OR2G6: variants seen among roughly 807,000 people sequenced by gnomAD.
OR2G6 encodes olfactory receptor family 2 subfamily G member 6.
For synonymous variants in OR2G6, 183 were observed against 155.2 expected (o/e 1.18, Z -1.33); for missense variants, 457 against 391.3 (o/e 1.17, Z -1.42).
At chr1:248,521,084 G>A (rs1664275406) in intron 1 of OR2G6, among the ~76,000 whole-genome samples, 1 of 148,614 alleles carries the variant, frequency 6.7e-6, no homozygotes, top group Non-Finnish European at 1.5e-5. Context: ...TTAGCTGGGA[G>A]TGGTGGCACA....
At position 248,522,409 on chromosome 1, in the gene OR2G6, A is replaced by T. The variant is rs964299406; in HGVS notation, c.763A>T (p.Ile255Phe). 11 of 1,614,068 alleles carry T rather than the reference A, an allele frequency of 6.8e-6. No individual in the cohort carries two copies. Among genetic ancestry groups the T allele is most frequent in the Non-Finnish European group, 9.3e-6 (11 of 1,180,028 alleles). ...LVVVIIFYGT[I>F]IFMYLQPANR... ...TGTGGTCATCATTTTCTATGGGACC[A>T]TCATATTCATGTACCTTCAACCGGC... is the stretch of plus-strand genomic sequence containing the variant. The change falls in exon 2 of 2, where the codon ATC becomes TTC. Residue 255 changes from isoleucine (I) to phenylalanine (F), a missense_variant. By Grantham distance (21) the Ile-to-Phe change is conservative. Transcript: ENST00000641804.
chr1:248,522,218 A>C lies in OR2G6; in HGVS notation c.572A>C (p.Asp191Ala). The C allele has an allele frequency of 6.2e-7, 1 of 1,614,132 alleles. No homozygotes were observed. The highest frequency in any genetic ancestry group is 8.5e-7 in the Non-Finnish European group (1 of 1,180,014). Reference sequence around the variant, plus strand: ...GTGCTCATCAAACTGGCCTGTGTGGATACGACTTTCAACGAGGCAGAACTC... The same window carrying C: ...GTGCTCATCAAACTGGCCTGTGTGGCTACGACTTTCAACGAGGCAGAACTC... ...VPVLIKLACV[D>A]TTFNEAELFV... Residue 191 changes from aspartate to alanine, a missense_variant, in exon 2 of 2, where the codon GAT (aspartate) becomes GCT (alanine). Coordinates refer to ENST00000641804, the MANE Select transcript of OR2G6 (RefSeq NM_001013355.2).
At chr1:248,521,140 T>C (rs1242043080) in intron 1 of OR2G6, among the ~76,000 whole-genome samples, 5 of 151,390 alleles carry the variant, frequency 3.3e-5, no homozygotes, top group Admixed American at 1.3e-4. Flanking sequence ...AGAGAATTAC[T>C]TGAACCCAGG....
At chr1:248,521,186 G>A (rs1664278893) in intron 1 of OR2G6, among the ~76,000 whole-genome samples, 1 of 151,832 alleles carries the variant, frequency 6.6e-6, no homozygotes, top group Non-Finnish European at 1.5e-5. Flanking sequence ...TCACGGCACT[G>A]TACTCTAGTC....
chr1:248,522,558 G>T lies in OR2G6; in HGVS notation c.912G>T (p.Leu304=). 1 of 1,613,428 alleles carries T rather than the reference G, an allele frequency of 6.2e-7. No individual in the cohort carries two copies. The highest frequency in any genetic ancestry group is 8.5e-7 in the Non-Finnish European group (1 of 1,179,778). Residue 304 remains leucine, a synonymous_variant, in exon 2 of 2, where the codon CTG becomes CTT. Transcript: ENST00000641804. ...NKDVKGALRT[L]ILGSAAGQSH... Reference sequence around the variant, plus strand: ...ATGTGAAAGGGGCCTTGAGGACCCTGATACTGGGTAGTGCTGCTGGACAAA... The same window carrying T: ...ATGTGAAAGGGGCCTTGAGGACCCTTATACTGGGTAGTGCTGCTGGACAAA...
Position 248,521,716 on chromosome 1 carries a change from G to C in OR2G6, c.70G>C (p.Glu24Gln). 1 of 1,614,188 alleles carries C rather than the reference G, an allele frequency of 6.2e-7. No homozygotes were observed. Among genetic ancestry groups the C allele is most frequent in the Non-Finnish European group, 8.5e-7 (1 of 1,180,030 alleles). The change falls in exon 2 of 2, where the codon GAG becomes CAG. Residue 24 changes from glutamate (E) to glutamine (Q), a missense_variant. Coordinates refer to ENST00000641804, the MANE Select transcript of OR2G6 (RefSeq NM_001013355.2). ...GGGATTTTCAGATCAGCCTCAGCTA[G>C]AGAGGTTTCTTTTTGCCATCATTTT... is the stretch of plus-strand genomic sequence containing the variant. Reference protein sequence around the residue: ...LLGFSDQPQLERFLFAIILYF... With the variant: ...LLGFSDQPQLQRFLFAIILYF...
rs1437487878 is a variant in OR2G6 at position 248,521,780 on chromosome 1, T to A, written c.134T>A (p.Leu45His). Residue 45 changes from leucine (L) to histidine (H), a missense_variant, in exon 2 of 2, where the codon CTC becomes CAC. Transcript: ENST00000641804. ...TTGAGCCTTCTGGGGAACACTGCCC[T>A]CATACTAGTATGTTGTCTGGACTCC... ...YVLSLLGNTA[L>H]ILVCCLDSRL... is the part of the protein sequence containing the mutation. The A allele has an allele frequency of 2.5e-6, 4 of 1,614,062 alleles. No individual in the cohort carries two copies. The highest frequency in any genetic ancestry group is 2.5e-6 in the Non-Finnish European group (3 of 1,179,930).
Position 248,525,515 on chromosome 1 carries a change from C to T in OR2G6, c.*2918C>T, listed in dbSNP as rs1051164850. ...TTAATGAATTCATGAAAAACAAAAA[C>T]CATATAGGACCACAGCTCAGAGAAG... On this transcript the variant is annotated 3_prime_UTR_variant, in exon 2 of 2. Coordinates refer to ENST00000641804, the MANE Select transcript of OR2G6 (RefSeq NM_001013355.2). 1.3e-5 allele frequency: 2 copies of T among 151,704 alleles called. No homozygotes were observed. The highest frequency in any genetic ancestry group is 2.4e-5 in the African/African-American group (1 of 41,276). The allele number at this position is 151,704 out of a possible 1,614,324, so 9.4% of individuals were successfully genotyped here.
Position 248,524,766 on chromosome 1 carries a change from A to T in OR2G6, c.*2169A>T, listed in dbSNP as rs1464161848. ...TACAAATCCCACTGAAAATAAAATCAAATTATTACTGTATACAATAAATTC... is the reference window on the plus strand; with the variant it reads ...TACAAATCCCACTGAAAATAAAATCTAATTATTACTGTATACAATAAATTC... On this transcript the variant is annotated 3_prime_UTR_variant, in exon 2 of 2. Coordinates refer to ENST00000641804, the MANE Select transcript of OR2G6 (RefSeq NM_001013355.2). 1 of 152,224 alleles carries T rather than the reference A, an allele frequency of 6.6e-6. No homozygotes were observed. The highest frequency in any genetic ancestry group is 1.5e-5 in the Non-Finnish European group (1 of 68,028). 9.4% of individuals were successfully genotyped at this position (152,224 alleles called of 1,614,324 possible).
rs59325988 is a variant in OR2G6 at position 248,526,017 on chromosome 1, CAAAA to C, written c.*3427_*3430del. ...TGGGCAACAGAGCAAGACTCCATCT[CAAAA>C]AAAAAAGAAAAAAATGTATATGTTA... On this transcript the variant is annotated 3_prime_UTR_variant, in exon 2 of 2. Coordinates refer to ENST00000641804, the MANE Select transcript of OR2G6 (RefSeq NM_001013355.2). The C allele has an allele frequency of 6.8e-6, 1 of 147,370 alleles. No individual in the cohort carries two copies. Among genetic ancestry groups the C allele is most frequent in the African/African-American group, 2.5e-5 (1 of 39,886 alleles). 9.1% of individuals were successfully genotyped at this position (147,370 alleles called of 1,614,324 possible).
At position 248,522,848 on chromosome 1, in the gene OR2G6, T is replaced by C; in HGVS notation, c.*251T>C. Reference sequence around the variant, plus strand: ...GAAACACACCAAAGCAGCATGAGGGTTCATCCTCCCAGACATTCCTCTTGT... The same window carrying C: ...GAAACACACCAAAGCAGCATGAGGGCTCATCCTCCCAGACATTCCTCTTGT... On this transcript the variant is annotated 3_prime_UTR_variant, in exon 2 of 2. Coordinates refer to ENST00000641804, the MANE Select transcript of OR2G6 (RefSeq NM_001013355.2). 2 of 453,386 alleles carry C rather than the reference T, an allele frequency of 4.4e-6. No individual in the cohort carries two copies. Among genetic ancestry groups the C allele is most frequent in the Non-Finnish European group, 7.8e-6 (2 of 257,184 alleles). 28.1% of individuals were successfully genotyped at this position (453,386 alleles called of 1,614,324 possible).
chr1:248,521,984 T>C lies in OR2G6; in HGVS notation c.338T>C (p.Ile113Thr), dbSNP rs770105604. 8.7e-6 allele frequency: 14 copies of C among 1,614,052 alleles called. No homozygotes were observed. Among genetic ancestry groups the C allele is most frequent in the Non-Finnish European group, 1.2e-5 (14 of 1,180,032 alleles). Reference protein sequence around the residue: ...VAMGLGSSECILLAVMAYDRY... With the variant: ...VAMGLGSSECTLLAVMAYDRY... The stretch of plus-strand genomic sequence containing the variant: ...ATGGGGTTGGGCTCGTCTGAGTGTA[T>C]TCTCTTGGCCGTCATGGCTTATGAC... Residue 113 changes from isoleucine (I) to threonine (T), a missense_variant, in exon 2 of 2, where the codon ATT becomes ACT. Coordinates refer to ENST00000641804, the MANE Select transcript of OR2G6 (RefSeq NM_001013355.2).
chr1:248,525,294 C>A lies in OR2G6; in HGVS notation c.*2697C>A, dbSNP rs141670383. On this transcript the variant is annotated 3_prime_UTR_variant, in exon 2 of 2. Transcript: ENST00000641804. The stretch of plus-strand genomic sequence containing the variant: ...AATTTGCACACATTACTAGCTTGAT[C>A]TGCAGAACACGTTTTCAAAGGATGC... The A allele has an allele frequency of 2.3e-3, 356 of 152,240 alleles. 1 individual carries two copies. The highest frequency in any genetic ancestry group is 8.2e-3 in the African/African-American group (341 of 41,562). The allele number at this position is 152,240 out of a possible 1,614,324, so 9.4% of individuals were successfully genotyped here. A position where few individuals can be genotyped will look rare whatever the true frequency, so the allele number is the denominator to read the frequency against.
At position 248,526,943 on chromosome 1, in the gene OR2G6, C is replaced by T. The variant is rs548846389; in HGVS notation, c.*4346C>T. The T allele has an allele frequency of 6.6e-6, 1 of 152,138 alleles. No homozygotes were observed. The highest frequency in any genetic ancestry group is 2.1e-4 in the South Asian group (1 of 4,822). The allele number at this position is 152,138 out of a possible 1,614,324, so 9.4% of individuals were successfully genotyped here. On this transcript the variant is annotated 3_prime_UTR_variant, in exon 2 of 2. Coordinates refer to ENST00000641804, the MANE Select transcript of OR2G6 (RefSeq NM_001013355.2). ...AAATTTTCTCCCATTCTCTAGGTTG[C>T]CTGTACACTCTGATGGTAGTTTCTT...
Position 248,522,032 on chromosome 1 carries a change from C to T in OR2G6, c.386C>T (p.Pro129Leu), listed in dbSNP as rs144648498. 176 of 1,614,044 alleles carry T rather than the reference C, an allele frequency of 1.1e-4. No homozygotes were observed. Among genetic ancestry groups the T allele is most frequent in the Non-Finnish European group, 1.3e-4 (159 of 1,180,028 alleles). The change falls in exon 2 of 2, where the codon CCA becomes CTA. Residue 129 changes from proline to leucine, a missense_variant. Physicochemically the swap from Pro to Leu is moderately conservative, Grantham distance 98 (BLOSUM62 -3). Transcript: ENST00000641804. ...AYDRYAAVCR[P>L]LRYIAIMHPR... ...GACCGCTATGCTGCTGTCTGCCGGC[C>T]ACTGCGCTACATAGCCATTATGCAC...
rs2103061689 is a variant in OR2G6, at chr1:248,522,171, T to G, written c.525T>G (p.Asp175Glu). 1 of 1,613,960 alleles carries G rather than the reference T, an allele frequency of 6.2e-7. No individual in the cohort carries two copies. The highest frequency in any genetic ancestry group is 2.2e-5 in the East Asian group (1 of 44,870). Residue 175 changes from aspartate to glutamate, a missense_variant, in exon 2 of 2, where the codon GAT (aspartate) becomes GAG (glutamate). Asp to Glu is a conservative substitution (Grantham distance 45). Transcript: ENST00000641804. ...CCCTCTGTGGTCATCGCACACTGGATCATATTTTCTGTGAGGTGCCAGTGC... is the reference window on the plus strand; with the variant it reads ...CCCTCTGTGGTCATCGCACACTGGAGCATATTTTCTGTGAGGTGCCAGTGC... ...QLPLCGHRTL[D>E]HIFCEVPVLI...
chr1:248,521,879 C>T lies in OR2G6; in HGVS notation c.233C>T (p.Ala78Val), dbSNP rs543337975. Residue 78 changes from alanine to valine, a missense_variant, in exon 2 of 2, where the codon GCC becomes GTC. Transcript: ENST00000641804. ...CVDICFTTSV[A>V]PQLLVTMNKK... Reference sequence around the variant, plus strand: ...GACATCTGCTTTACCACCAGTGTTGCCCCACAGTTGCTGGTTACCATGAAT... The same window carrying T: ...GACATCTGCTTTACCACCAGTGTTGTCCCACAGTTGCTGGTTACCATGAAT... 5.0e-5 allele frequency: 80 copies of T among 1,613,988 alleles called. No individual in the cohort carries two copies. The highest frequency in any genetic ancestry group is 5.9e-5 in the Non-Finnish European group (70 of 1,179,990).
intron 1 of OR2G6, 97 bp from the exon 2 acceptor site, chr1:248,521,514 T>C (rs779075057): frequency 4.5e-6 from 3 of 662,552 alleles, no homozygotes; most frequent in Non-Finnish European, 7.8e-6. Flanking sequence ...CACAACATGT[T>C]TTAGGTGATA....
In OR2G6 at chr1:248,523,319, C is replaced by T. The variant is rs1265687655; in HGVS notation, c.*722C>T. 6.6e-6 allele frequency: 1 copy of T among 152,008 alleles called. No homozygotes were observed. The highest frequency in any genetic ancestry group is 2.4e-5 in the African/African-American group (1 of 41,350). 9.4% of individuals were successfully genotyped at this position (152,008 alleles called of 1,614,324 possible). ...TAAGAGTTGTGATGCTTTGGTTCCA[C>T]AGAATTGTGGGATGCAAATAATGAC... On this transcript the variant is annotated 3_prime_UTR_variant, in exon 2 of 2. Coordinates refer to ENST00000641804, the MANE Select transcript of OR2G6 (RefSeq NM_001013355.2).
Sources: allele counts gnomAD v4.1 joint callset (sites outside exome capture counted in the v4.1 genomes callset), GRCh38; gene constraint gnomAD v4.1.1; transcripts MANE v1.5; gene names NCBI Gene and HGNC (gene_info 2026-07-23, HGNC 2026-07-21).